Variants in MEF2A observed in about 807,000 individuals in gnomAD.
The protein encoded by MEF2A is myocyte-specific enhancer factor 2A.
In MEF2A, 28 loss-of-function variants were observed where a neutral mutation model predicts 55.8. That is an observed-to-expected ratio of 0.50 (90% CI 0.37 to 0.69). The LOEUF (loss-of-function observed/expected upper bound fraction) is 0.69. MEF2A is among the 30% of genes least tolerant of loss of function. The probability of loss-of-function intolerance (pLI) is 0.00; values close to 1 mark genes in which losing one functional copy is unlikely to be tolerated. For synonymous variants in MEF2A, 239 were observed against 227.1 expected, an observed-to-expected ratio of 1.05 and a Z score of -0.47; for missense variants, 528 against 626.2, an observed-to-expected ratio of 0.84 and a Z score of 1.67.
At chr15:99,664,596 G>T (rs1441761928) in intron 4 of MEF2A, among the ~76,000 whole-genome samples, 1 of 152,138 alleles carries the variant, frequency 6.6e-6, no homozygotes, top group Non-Finnish European at 1.5e-5. Context: ...ACATAAGATA[G>T]TGCAGGCTTG....
At chr15:99,672,054 C>T (rs937186360) in intron 5 of MEF2A, among the ~76,000 whole-genome samples, 2 of 152,140 alleles carry the variant, frequency 1.3e-5, no homozygotes, top group Admixed American at 1.3e-4. Context: ...GACTTAAAAA[C>T]ATATGTGTTC....
At chr15:99,626,252 T>TAG (rs368153935) in intron 2 of MEF2A, among the ~76,000 whole-genome samples, 1 of 152,284 alleles carries the variant, frequency 6.6e-6, no homozygotes, top group Non-Finnish European at 1.5e-5. Context: ...TGTTGGTATA[T>TAG]AGCTGTTTAT....
chr15:99,638,679 A>T, intron 3 of MEF2A, among the ~76,000 whole-genome samples: 1 of 151,240 alleles, frequency 6.6e-6, no homozygotes, highest in African/African-American at 2.4e-5. Context: ...CTTGTCATCC[A>T]TTTTCTCCAT....
chr15:99,591,203 G>C (rs1438742915), intron 1 of MEF2A, among the ~76,000 whole-genome samples: 1 of 152,124 alleles, frequency 6.6e-6, no homozygotes, highest in Non-Finnish European at 1.5e-5. Context: ...GTGTTTCTTG[G>C]ATTGCAGGCC....
At chr15:99,586,497 C>A (rs1302888219) in intron 1 of MEF2A, among the ~76,000 whole-genome samples, 2 of 152,176 alleles carry the variant, frequency 1.3e-5, no homozygotes. Flanking sequence ...ATGTTCACAT[C>A]TTTTGCCCAT....
intron 3 of MEF2A, among the ~76,000 whole-genome samples, chr15:99,637,668 A>C (rs1164402934): frequency 2.0e-5 from 3 of 150,900 alleles, no homozygotes; most frequent in Non-Finnish European, 4.4e-5. Flanking sequence ...TGTAAGACGG[A>C]GTCTCGCTCT....
At chr15:99,710,906 A>G in intron 11 of MEF2A, 146 bp downstream of exon 11, 1 of 993,638 alleles carries the variant, frequency 1.0e-6, no homozygotes, top group Non-Finnish European at 1.4e-6. Flanking sequence ...GTCGGGAGAA[A>G]ATATTTTCTT....
chr15:99,679,454 A>T (rs1393858022), intron 7 of MEF2A, among the ~76,000 whole-genome samples: 1 of 152,242 alleles, frequency 6.6e-6, no homozygotes, highest in African/African-American at 2.4e-5. Context: ...ATTAAAGAAG[A>T]TAGATACATA....
At position 99,716,292 on chromosome 15, in the gene MEF2A, T is replaced by G; in HGVS notation, c.*3521T>G. ...ACCGTTTGGCGGCACAAGCTGGACTTTGTTGCCATCCTTGAGATGAACCTT... is the reference window on the plus strand; with the variant it reads ...ACCGTTTGGCGGCACAAGCTGGACTGTGTTGCCATCCTTGAGATGAACCTT... On this transcript the variant is annotated 3_prime_UTR_variant, in exon 12 of 12. Coordinates refer to ENST00000557942, the MANE Select transcript of MEF2A (RefSeq NM_001319206.4). The G allele has an allele frequency of 2.9e-6, 1 of 346,264 alleles. No individual in the cohort carries two copies. The highest frequency in any genetic ancestry group is 3.8e-5 in the Admixed American group (1 of 26,226). The allele number at this position is 346,264 out of a possible 1,614,324, so 21.4% of individuals were successfully genotyped here.
chr15:99,614,401 A>AT (rs2039852587), intron 2 of MEF2A, among the ~76,000 whole-genome samples: 1 of 152,220 alleles, frequency 6.6e-6, no homozygotes, highest in African/African-American at 2.4e-5. Flanking sequence ...ACAATAACTT[A>AT]TAACTCCAAA....
At chr15:99,664,610 G>A (rs142555222) in intron 4 of MEF2A, among the ~76,000 whole-genome samples, 103 of 152,338 alleles carry the variant, frequency 6.8e-4, no homozygotes, top group Non-Finnish European at 1.2e-3. Flanking sequence ...AGGCTTGAGT[G>A]AGTATGGGGA....
At chr15:99,566,830 C>T (rs2152650116) in intron 1 of MEF2A, among the ~76,000 whole-genome samples, 1 of 152,044 alleles carries the variant, frequency 6.6e-6, no homozygotes, top group East Asian at 1.9e-4. Context: ...CCTGCGGTTG[C>T]GGACGCCCGA....
chr15:99,665,169 G>A (rs938443173), intron 4 of MEF2A, among the ~76,000 whole-genome samples: 3 of 152,148 alleles, frequency 2.0e-5, no homozygotes, highest in Admixed American at 6.5e-5. Context: ...TCAAAGAAAC[G>A]GAAGTGGATG....
At position 99,712,655 on chromosome 15, in the gene MEF2A, C is replaced by A; in HGVS notation, c.1402C>A (p.Arg468=). 1 of 1,554,786 alleles carries A rather than the reference C, an allele frequency of 6.4e-7. No individual in the cohort carries two copies. The highest frequency in any genetic ancestry group is 8.7e-7 in the Non-Finnish European group (1 of 1,148,884). ...TAGTAGCTCCTATGATGGCAGTGAT[C>A]GGGAGGATCCACGGGGCGACTTCCA... The part of the protein sequence containing the change: ...SSSSSYDGSD[R]EDPRGDFHSP... The change falls in exon 12 of 12, where the codon CGG becomes AGG. Residue 468 remains arginine, a synonymous_variant. Transcript: ENST00000557942. This position sits in a 1 kb window ranked among gnomAD's most constrained non-coding sequence, Gnocchi z 4.1.
intron 4 of MEF2A, among the ~76,000 whole-genome samples, chr15:99,664,005 T>A (rs1436937038): frequency 1.3e-5 from 2 of 152,218 alleles, no homozygotes; most frequent in Non-Finnish European, 2.9e-5. Flanking sequence ...AGTAGAATGA[T>A]AGGACGTATG....
chr15:99,687,185 C>T (rs1437465577), intron 7 of MEF2A, among the ~76,000 whole-genome samples: 2 of 151,016 alleles, frequency 1.3e-5, no homozygotes, highest in East Asian at 3.9e-4. Flanking sequence ...CTCAGCCTCC[C>T]AAAGTTCTGG....
At chr15:99,701,054 A>G (rs1219448288) in intron 8 of MEF2A, among the ~76,000 whole-genome samples, 3 of 152,250 alleles carry the variant, frequency 2.0e-5, no homozygotes, top group Admixed American at 1.3e-4. Flanking sequence ...AAATGCTAAC[A>G]TAAGTGGGCA....
intron 5 of MEF2A, among the ~76,000 whole-genome samples, chr15:99,673,612 G>A (rs2051309086): frequency 6.6e-6 from 1 of 152,062 alleles, no homozygotes; most frequent in Non-Finnish European, 1.5e-5. Flanking sequence ...CAAGCATATT[G>A]TAAATGGTGT....
In MEF2A at chr15:99,715,500, A is replaced by G. The variant is rs546884516; in HGVS notation, c.*2729A>G. ...ATATTTGACTGTTAACCTTTTTCCC[A>G]TACGTCCAGTGTGGCATGGAGCATA... is the stretch of plus-strand genomic sequence containing the variant. On this transcript the variant is annotated 3_prime_UTR_variant, in exon 12 of 12. Coordinates refer to ENST00000557942, the MANE Select transcript of MEF2A (RefSeq NM_001319206.4). 3.9e-5 allele frequency: 6 copies of G among 152,322 alleles called. No individual in the cohort carries two copies. Among genetic ancestry groups the G allele is most frequent in the African/African-American group, 1.4e-4 (6 of 41,564 alleles). The allele number at this position is 152,322 out of a possible 1,614,324, so 9.4% of individuals were successfully genotyped here. A position where few individuals can be genotyped will look rare whatever the true frequency, so the allele number is the denominator to read the frequency against.
Sources: gnomAD v4.1 joint callset for allele counts (sites outside exome capture counted in the v4.1 genomes callset) on GRCh38, gnomAD v4.1.1 for gene constraint, Gnocchi (gnomAD v3.1) non-coding constraint, MANE v1.5 for transcripts, NCBI Gene and HGNC (gene_info 2026-07-23, HGNC 2026-07-21) for gene names.